The following FAM162A variants were observed in gnomAD, a reference collection of about 807,000 sequenced individuals.
FAM162A encodes protein FAM162A.
A neutral mutation model predicts 21.8 loss-of-function variants in FAM162A; 23 were observed. That is an observed-to-expected ratio of 1.05 (90% confidence interval 0.76 to 1.49). FAM162A has a LOEUF of 1.49. Ranked by LOEUF, FAM162A falls within the 40% of genes most tolerant of loss-of-function variation. The pLI, the probability that FAM162A is intolerant of heterozygous loss-of-function variation, is 0.00. For synonymous variants in FAM162A, 53 were observed against 61.3 expected (o/e 0.86, Z 0.64); for missense variants, 165 against 186.4 (o/e 0.89, Z 0.67).
chr3:122,398,018 C>T (rs1455402222), intron 1 of FAM162A, among the ~76,000 whole-genome samples: 3 of 152,068 alleles, frequency 2.0e-5, no homozygotes, highest in Admixed American at 6.5e-5. Flanking sequence ...TGAAAGGACT[C>T]GGGAGCCAAC....
At chr3:122,393,531 G>A (rs1183823416) in intron 1 of FAM162A, among the ~76,000 whole-genome samples, 1 of 152,192 alleles carries the variant, frequency 6.6e-6, no homozygotes, top group Non-Finnish European at 1.5e-5. Flanking sequence ...GGGTTTAAGA[G>A]TTTTCCAAAA....
chr3:122,405,302 A>T (rs1053524848), intron 3 of FAM162A, among the ~76,000 whole-genome samples: 2 of 152,198 alleles, frequency 1.3e-5, no homozygotes, highest in Non-Finnish European at 2.9e-5. Flanking sequence ...ATTGAAAAAG[A>T]TCTGAGCTCA....
intron 1 of FAM162A, among the ~76,000 whole-genome samples, chr3:122,385,195 A>C (rs1344924128): frequency 6.6e-6 from 1 of 152,220 alleles, no homozygotes; most frequent in African/African-American, 2.4e-5. Flanking sequence ...ATGCAAAAAA[A>C]AAGAGTGAAT....
intron 2 of FAM162A, 46 bp downstream of exon 2, chr3:122,402,928 A>C (rs1272116323): frequency 1.3e-6 from 2 of 1,554,312 alleles, no homozygotes; most frequent in Admixed American, 4.3e-5. Context: ...GCTCCCAAAG[A>C]GTAGGAAAAC....
intron 1 of FAM162A, among the ~76,000 whole-genome samples, chr3:122,389,024 G>C (rs1330274441): frequency 6.6e-6 from 1 of 151,360 alleles, no homozygotes. Flanking sequence ...ACTCCAGCCT[G>C]GGCAACAGAG....
At chr3:122,386,652 G>A (rs2075576041) in intron 1 of FAM162A, among the ~76,000 whole-genome samples, 1 of 151,712 alleles carries the variant, frequency 6.6e-6, no homozygotes, top group Admixed American at 6.6e-5. Context: ...TGAAATTTCA[G>A]ATGATCAAAA....
At chr3:122,407,584 C>A in intron 4 of FAM162A, 195 bp downstream of exon 4, 1 of 499,814 alleles carries the variant, frequency 2.0e-6, no homozygotes, top group Non-Finnish European at 3.6e-6. Flanking sequence ...GATAGCAAAT[C>A]CTAACTTTGG....
In FAM162A at chr3:122,411,972, A is replaced by G. The variant is rs565996133; in HGVS notation, c.*2141A>G. ...TCCTATTTGATAACATATAGTGACT[A>G]TCTCTTTATGGGTTAAATATCAGTT... On this transcript the variant is annotated 3_prime_UTR_variant, in exon 5 of 5. Transcript: ENST00000477892. 3.2e-4 allele frequency: 48 copies of G among 152,314 alleles called. No individual in the cohort carries two copies. Among genetic ancestry groups the G allele is most frequent in the African/African-American group, 9.1e-4 (38 of 41,576 alleles). The allele number at this position is 152,314 out of a possible 1,614,324, so 9.4% of individuals were successfully genotyped here. A position where few individuals can be genotyped will look rare whatever the true frequency, so the allele number is the denominator to read the frequency against.
rs931527687 is a variant in FAM162A, at chr3:122,411,567, T to G, written c.*1736T>G. 1 of 152,022 alleles carries G rather than the reference T, an allele frequency of 6.6e-6. No homozygotes were observed. The highest frequency in any genetic ancestry group is 2.4e-5 in the African/African-American group (1 of 41,394). The allele number at this position is 152,022 out of a possible 1,614,324, so 9.4% of individuals were successfully genotyped here. ...GCTTAAATTTAATGAAACCTTTTTTTTTTTTTTGAGACAGTCTTGCACTGT... is the reference window on the plus strand; with the variant it reads ...GCTTAAATTTAATGAAACCTTTTTTGTTTTTTTGAGACAGTCTTGCACTGT... On this transcript the variant is annotated 3_prime_UTR_variant, in exon 5 of 5. Transcript: ENST00000477892.
intron 1 of FAM162A, among the ~76,000 whole-genome samples, chr3:122,398,904 ATAG>A (rs2075641059): frequency 1.3e-5 from 2 of 152,354 alleles, no homozygotes; most frequent in African/African-American, 4.8e-5. Flanking sequence ...TAAGGGGTAG[ATAG>A]TAGATGGAGT....
At chr3:122,408,655 C>G (rs182151221) in intron 4 of FAM162A, among the ~76,000 whole-genome samples, 33 of 152,280 alleles carry the variant, frequency 2.2e-4, no homozygotes, top group Admixed American at 3.9e-4. Flanking sequence ...TCTTTGACCT[C>G]TCATGCATAG....
chr3:122,398,935 T>C (rs1430070889), intron 1 of FAM162A, among the ~76,000 whole-genome samples: 3 of 152,194 alleles, frequency 2.0e-5, no homozygotes. Context: ...AAACGATATT[T>C]TTAAAATTTT....
chr3:122,388,974 G>T (rs548819560), intron 1 of FAM162A, among the ~76,000 whole-genome samples: 60 of 152,110 alleles, frequency 3.9e-4, no homozygotes, highest in Non-Finnish European at 7.1e-4. Flanking sequence ...GCGTGAAGCC[G>T]GGAGGCAGAG....
chr3:122,402,977 AT>A, intron 2 of FAM162A, 95 bp downstream of exon 2: 9 of 1,340,688 alleles, frequency 6.7e-6, no homozygotes, highest in Non-Finnish European at 9.1e-6. Flanking sequence ...AGGTTCCTAT[AT>A]CATACCCTCC....
chr3:122,395,050 A>G (rs896061817), intron 1 of FAM162A, among the ~76,000 whole-genome samples: 2 of 152,224 alleles, frequency 1.3e-5, no homozygotes, highest in African/African-American at 4.8e-5. Context: ...CAGAAAAAGC[A>G]TTTGACAAAA....
chr3:122,401,552 C>A, intron 1 of FAM162A: 2 of 1,266,818 alleles, frequency 1.6e-6, no homozygotes, highest in Non-Finnish European at 2.0e-6. Flanking sequence ...GTATTTGTGC[C>A]TAATTTTTAT....
At chr3:122,401,032 A>G (rs879579869) in intron 1 of FAM162A, among the ~76,000 whole-genome samples, 6 of 152,206 alleles carry the variant, frequency 3.9e-5, no homozygotes, top group Non-Finnish European at 5.9e-5. Flanking sequence ...AAAATGTCTT[A>G]TCCTAATATT....
chr3:122,409,748 A>G lies in FAM162A; in HGVS notation c.382A>G (p.Arg128Gly). The change falls in exon 5 of 5, where the codon AGA (arginine) becomes GGA (glycine). Residue 128 changes from arginine to glycine, a missense_variant. Arg to Gly is a moderately radical substitution (Grantham distance 125, BLOSUM62 -2). Transcript: ENST00000477892. Reference sequence around the variant, plus strand: ...ATCTGTTTTGCTTTAGGCTGCCCAAAGACACGAGACTTTAACAAGCTTGAA... The same window carrying G: ...ATCTGTTTTGCTTTAGGCTGCCCAAGGACACGAGACTTTAACAAGCTTGAA... ...MVIEGKKAAQ[R>G]HETLTSLNLE... 6.2e-7 allele frequency: 1 copy of G among 1,614,074 alleles called. No individual in the cohort carries two copies. Among genetic ancestry groups the G allele is most frequent in the Non-Finnish European group, 8.5e-7 (1 of 1,179,938 alleles).
intron 1 of FAM162A, among the ~76,000 whole-genome samples, chr3:122,395,677 A>G (rs192522928): frequency 3.3e-5 from 5 of 152,324 alleles, no homozygotes; most frequent in Non-Finnish European, 7.4e-5. Context: ...GTAGAGATTG[A>G]CAAGCTGATC....
Sources: allele counts gnomAD v4.1 joint callset (sites outside exome capture counted in the v4.1 genomes callset), GRCh38; gene constraint gnomAD v4.1.1; transcripts MANE v1.5; gene names NCBI Gene and HGNC (gene_info 2026-07-23, HGNC 2026-07-21).